The following PMFBP1 variants were observed in gnomAD, a reference collection of about 807,000 sequenced individuals.
PMFBP1 encodes the protein polyamine-modulated factor 1-binding protein 1.
A neutral mutation model predicts 137.8 loss-of-function variants in PMFBP1; 131 were observed. The ratio of observed to expected loss-of-function variants is 0.95; its 90% confidence interval spans 0.82 to 1.10. The LOEUF is 1.10. PMFBP1 is among the 50% of genes least tolerant of loss of function. The pLI is 0.00. For synonymous variants in PMFBP1, 490 were observed against 450.4 expected (o/e 1.09, Z -1.11); for missense variants, 1,199 against 1,175.4 (o/e 1.02, Z -0.29).
chr16:72,220,472 T>G, the PMFBP1 span, among the ~76,000 whole-genome samples: 3 of 152,156 alleles, frequency 2.0e-5, no homozygotes, highest in Non-Finnish European at 2.9e-5. Context: ...AAAAAATGTC[T>G]AGAAGGAAAC....
chr16:72,148,252 C>T (rs1040215097), intron 5 of PMFBP1, among the ~76,000 whole-genome samples: 1 of 150,788 alleles, frequency 6.6e-6, no homozygotes, highest in Non-Finnish European at 1.5e-5. Context: ...CCATCATTCT[C>T]AGCAAAGTAA....
the PMFBP1 span, among the ~76,000 whole-genome samples, chr16:72,241,202 T>C: frequency 6.6e-6 from 1 of 152,120 alleles, no homozygotes; most frequent in Non-Finnish European, 1.5e-5. Context: ...CACCGACCAC[T>C]GAAACAGCCA....
the PMFBP1 span, among the ~76,000 whole-genome samples, chr16:72,232,321 T>A: frequency 6.6e-6 from 1 of 152,204 alleles, no homozygotes; most frequent in Non-Finnish European, 1.5e-5. Flanking sequence ...ATATGCAGGC[T>A]TCTTGCTGTC....
chr16:72,207,023 G>A, the PMFBP1 span, among the ~76,000 whole-genome samples: 6 of 152,074 alleles, frequency 3.9e-5, no homozygotes, highest in Non-Finnish European at 7.4e-5. Flanking sequence ...ATTTTGTCTC[G>A]GTAGCCACCC....
chr16:72,186,164 G>T, the PMFBP1 span, among the ~76,000 whole-genome samples: 1 of 152,122 alleles, frequency 6.6e-6, no homozygotes, highest in Non-Finnish European at 1.5e-5. Flanking sequence ...AAGTTTTGCA[G>T]ATCTGAGATT....
At chr16:72,139,602 G>A (rs981385317) in intron 6 of PMFBP1, among the ~76,000 whole-genome samples, 1 of 152,186 alleles carries the variant, frequency 6.6e-6, no homozygotes, top group Non-Finnish European at 1.5e-5. Flanking sequence ...TATGTGATCT[G>A]TCTCAAGTTC....
At chr16:72,162,387 C>A (rs2144490444) in intron 3 of PMFBP1, among the ~76,000 whole-genome samples, 1 of 152,314 alleles carries the variant, frequency 6.6e-6, no homozygotes, top group African/African-American at 2.4e-5. Flanking sequence ...ATCACTTGCC[C>A]CTTCCCTGCC....
intron 9 of PMFBP1, among the ~76,000 whole-genome samples, chr16:72,136,058 T>C (rs2042626463): frequency 6.6e-6 from 1 of 152,112 alleles, no homozygotes; most frequent in Non-Finnish European, 1.5e-5. Context: ...CCCAGGCAGA[T>C]ATTTGTAATT....
At chr16:72,192,609 C>T in the PMFBP1 span, among the ~76,000 whole-genome samples, 5 of 151,958 alleles carry the variant, frequency 3.3e-5, no homozygotes, top group Admixed American at 2.6e-4. Context: ...ACTGCAGGGC[C>T]GGGTGTGGTG....
chr16:72,124,717 T>G (rs2042427121), intron 17 of PMFBP1, 50 bp downstream of exon 17: 6 of 1,587,132 alleles, frequency 3.8e-6, no homozygotes, highest in Admixed American at 1.7e-5. Flanking sequence ...GGTCATAGGA[T>G]GTGCCTGGAG....
At chr16:72,132,687 C>T in intron 10 of PMFBP1, 61 bp downstream of exon 10, 1 of 1,606,552 alleles carries the variant, frequency 6.2e-7, no homozygotes, top group Non-Finnish European at 8.5e-7. Context: ...AAGGTGGCTG[C>T]TCTAGGGCTG....
intron 3 of PMFBP1, among the ~76,000 whole-genome samples, chr16:72,157,380 T>C (rs890007159): frequency 6.6e-6 from 1 of 151,994 alleles, no homozygotes; most frequent in African/African-American, 2.4e-5. Flanking sequence ...AATTAAATGT[T>C]TGCATGGAAG....
the PMFBP1 span, among the ~76,000 whole-genome samples, chr16:72,219,182 T>C: frequency 1.3e-5 from 2 of 152,166 alleles, no homozygotes; most frequent in South Asian, 4.1e-4. Context: ...ATACAACATA[T>C]TGTTGTGTAG....
upstream of PMFBP1, among the ~76,000 whole-genome samples, chr16:72,181,585 A>C (rs1387182962): frequency 6.6e-6 from 1 of 152,224 alleles, no homozygotes; most frequent in African/African-American, 2.4e-5. Flanking sequence ...TGCAAAACCC[A>C]AAGGTGAACT....
At chr16:72,233,941 T>G in the PMFBP1 span, among the ~76,000 whole-genome samples, 1 of 152,182 alleles carries the variant, frequency 6.6e-6, no homozygotes, top group Non-Finnish European at 1.5e-5. Flanking sequence ...CCAAATAATA[T>G]TCCATTGTAT....
the PMFBP1 span, among the ~76,000 whole-genome samples, chr16:72,241,303 C>T: frequency 6.6e-6 from 1 of 152,176 alleles, no homozygotes; most frequent in Non-Finnish European, 1.5e-5. Flanking sequence ...ATGAGGATAG[C>T]ATTTCCCTAG....
chr16:72,121,552 T>C (rs758428279), intron 19 of PMFBP1, among the ~76,000 whole-genome samples: 6 of 152,234 alleles, frequency 3.9e-5, no homozygotes, highest in Non-Finnish European at 8.8e-5. Flanking sequence ...GATGCCTGCC[T>C]GCCCTTGGGG....
chr16:72,240,366 T>C, the PMFBP1 span, among the ~76,000 whole-genome samples: 35 of 152,326 alleles, frequency 2.3e-4, 1 homozygote, highest in South Asian at 6.4e-3. Context: ...AAATAAAGCA[T>C]TGTGATTTTT....
the PMFBP1 span, among the ~76,000 whole-genome samples, chr16:72,218,864 G>GA: frequency 2.0e-5 from 3 of 152,100 alleles, no homozygotes; most frequent in African/African-American, 7.2e-5. Context: ...TGGGGTATGG[G>GA]AAAAAGGGCA....
Sources: allele counts gnomAD v4.1 joint callset (sites outside exome capture counted in the v4.1 genomes callset), GRCh38; gene constraint gnomAD v4.1.1; transcripts MANE v1.5; gene names NCBI Gene and HGNC (gene_info 2026-07-23, HGNC 2026-07-21).